AK4: variants seen among roughly 807,000 people sequenced by gnomAD.
AK4 encodes the protein adenylate kinase 4, also known as adenylate kinase 4, mitochondrial.
In AK4, 13 loss-of-function variants were observed where a neutral mutation model predicts 24.6. That is an observed-to-expected ratio of 0.53 (90% CI 0.34 to 0.84). AK4 has a LOEUF of 0.84. Among genes scored for constraint, AK4 ranks in the 40% least tolerant of loss-of-function variants. The probability of loss-of-function intolerance (pLI) is 0.01; values close to 1 mark genes in which losing one functional copy is unlikely to be tolerated. For synonymous variants in AK4, 88 were observed against 107.0 expected (o/e 0.82, Z 1.10); for missense variants, 192 against 288.2 (o/e 0.67, Z 2.42).
At chr1:65,203,473 T>C (rs1029923720) in intron 2 of AK4, among the ~76,000 whole-genome samples, 3 of 152,102 alleles carry the variant, frequency 2.0e-5, no homozygotes, top group Admixed American at 2.0e-4. Context: ...GATCAACATA[T>C]TCACCCCTCA....
At position 65,167,977 on chromosome 1, in the gene AK4, T is replaced by C. The variant is rs538136640; in HGVS notation, c.145+19425T>C. 5.9e-5 allele frequency among the ~76,000 whole-genome samples: 9 copies of C among 152,134 alleles called. No individual in the cohort carries two copies. The East Asian group carries it at 1.5e-3, about 26-fold the overall frequency. On this transcript the variant is annotated intron_variant, in intron 1 of 4. Coordinates refer to ENST00000327299, the MANE Select transcript of AK4 (RefSeq NM_013410.4). ...AGCACTTCTCTGACTTAAGTTGTCTTTTTTTCCCCAAGAAAAATAGCCCCA... is the reference window on the plus strand; with the variant it reads ...AGCACTTCTCTGACTTAAGTTGTCTCTTTTTCCCCAAGAAAAATAGCCCCA...
At chr1:65,184,388 T>A (rs1034894833) in intron 1 of AK4, among the ~76,000 whole-genome samples, 3 of 152,252 alleles carry the variant, frequency 2.0e-5, no homozygotes, top group Non-Finnish European at 4.4e-5. Context: ...CATTGGTGTT[T>A]TGTTTAATCT....
At chr1:65,149,166 C>T (rs72926143) in intron 1 of AK4, 24,698 of 152,944 alleles carry the variant, frequency 0.16, 5,001 homozygotes, top group African/African-American at 0.47. Flanking sequence ...CAACTCCCCC[C>T]CCTCCCGAAG....
chr1:65,201,530 A>G (rs947249995), intron 2 of AK4, among the ~76,000 whole-genome samples: 2 of 152,220 alleles, frequency 1.3e-5, no homozygotes, highest in Non-Finnish European at 2.9e-5. Flanking sequence ...TCATGGATCA[A>G]TAAACAAATT....
chr1:65,164,693 A>G (rs1650271020), intron 1 of AK4, among the ~76,000 whole-genome samples: 1 of 152,146 alleles, frequency 6.6e-6, no homozygotes, highest in African/African-American at 2.4e-5. Context: ...ATTTTCTCCT[A>G]TCCTGTTTCA....
chr1:65,207,552 GT>G (rs398053072), intron 2 of AK4, among the ~76,000 whole-genome samples: 1,813 of 137,852 alleles, frequency 0.013, 19 homozygotes, highest in African/African-American at 0.028. Flanking sequence ...CACAGCTGCT[GT>G]TTTTTTTTTT....
chr1:65,170,206 C>CA (rs1339084111), intron 1 of AK4, among the ~76,000 whole-genome samples: 4 of 151,964 alleles, frequency 2.6e-5, no homozygotes, highest in Non-Finnish European at 4.4e-5. Context: ...ACTAAAAATA[C>CA]AAAAAAAGAA....
intron 1 of AK4, among the ~76,000 whole-genome samples, chr1:65,153,579 T>C (rs947225091): frequency 6.6e-6 from 1 of 152,102 alleles, no homozygotes; most frequent in East Asian, 1.9e-4. Context: ...CCAGGATCAT[T>C]TTTTAGAAGT....
chr1:65,176,147 A>C (rs139797254), intron 1 of AK4, among the ~76,000 whole-genome samples: 39 of 152,324 alleles, frequency 2.6e-4, no homozygotes, highest in African/African-American at 7.9e-4. Flanking sequence ...AGAAAGCCTA[A>C]GGAGGAAGAA....
intron 2 of AK4, among the ~76,000 whole-genome samples, chr1:65,211,259 A>C (rs1319112839): frequency 6.6e-6 from 1 of 152,186 alleles, no homozygotes; most frequent in Non-Finnish European, 1.5e-5. Context: ...TATGAAGAAA[A>C]AAATCTCCAA....
At chr1:65,148,687 G>A (rs1649655984) in intron 1 of AK4, 135 bp downstream of exon 1, 1 of 1,254,064 alleles carries the variant, frequency 8.0e-7, no homozygotes, top group African/African-American at 1.6e-5. Context: ...ACGTGCCGGG[G>A]CGCATGCAGC....
intron 1 of AK4, among the ~76,000 whole-genome samples, chr1:65,187,240 G>A (rs1476984018): frequency 6.6e-6 from 1 of 151,834 alleles, no homozygotes; most frequent in South Asian, 2.1e-4. Context: ...CCAGCTACTC[G>A]GAGAGGCTGA....
chr1:65,182,748 T>C (rs1326149305), intron 1 of AK4, among the ~76,000 whole-genome samples: 1 of 152,210 alleles, frequency 6.6e-6, no homozygotes, highest in Non-Finnish European at 1.5e-5. Flanking sequence ...TGGACTAGTA[T>C]TTTAGAGATA....
At chr1:65,184,408 A>T (rs980422939) in intron 1 of AK4, among the ~76,000 whole-genome samples, 10 of 152,240 alleles carry the variant, frequency 6.6e-5, no homozygotes, top group African/African-American at 2.4e-4. Context: ...TTATAAACAC[A>T]TGATGGATTT....
At chr1:65,210,603 C>T (rs369502817) in intron 2 of AK4, among the ~76,000 whole-genome samples, 1 of 152,124 alleles carries the variant, frequency 6.6e-6, no homozygotes, top group Non-Finnish European at 1.5e-5. Context: ...ATGTGAAAAT[C>T]TCATGTTGGG....
Position 65,230,174 on chromosome 1 carries a change from A to T in AK4, c.*3997A>T, listed in dbSNP as rs1454212977. On this transcript the variant is annotated 3_prime_UTR_variant, in exon 5 of 5. Coordinates refer to ENST00000327299, the MANE Select transcript of AK4 (RefSeq NM_013410.4). The stretch of plus-strand genomic sequence containing the variant: ...CTGCTGCCCTCTAGCAGCCAAACTC[A>T]GATGAGTTCCATTGTTACCCTAGGT... 1 of 152,174 alleles carries T rather than the reference A, an allele frequency of 6.6e-6. No homozygotes were observed. The highest frequency in any genetic ancestry group is 2.4e-5 in the African/African-American group (1 of 41,422). 9.4% of individuals were successfully genotyped at this position (152,174 alleles called of 1,614,324 possible).
At chr1:65,225,583 G>A (rs139178807) in intron 4 of AK4, among the ~76,000 whole-genome samples, 4 of 152,270 alleles carry the variant, frequency 2.6e-5, no homozygotes, top group Non-Finnish European at 5.9e-5. Flanking sequence ...TTTATGCTGA[G>A]TGCATTCAAA....
intron 3 of AK4, among the ~76,000 whole-genome samples, chr1:65,220,270 G>T (rs1382811695): frequency 6.6e-6 from 1 of 152,198 alleles, no homozygotes; most frequent in Non-Finnish European, 1.5e-5. Flanking sequence ...TTGCTGGATT[G>T]TAAGTGTATA....
intron 1 of AK4, among the ~76,000 whole-genome samples, chr1:65,152,322 C>CTG (rs1649800279): frequency 7.8e-5 from 2 of 25,608 alleles, no homozygotes; most frequent in Non-Finnish European, 1.3e-4. Flanking sequence ...TGCTATCTCT[C>CTG]TCTCTCTCTC....
Sources: gnomAD v4.1 joint callset for allele counts (sites outside exome capture counted in the v4.1 genomes callset) on GRCh38, gnomAD v4.1.1 for gene constraint, MANE v1.5 for transcripts, NCBI Gene and HGNC (gene_info 2026-07-23, HGNC 2026-07-21) for gene names.